Variants in PRDM6 observed in about 807,000 individuals in gnomAD.
PRDM6 encodes the protein PR/SET domain 6.
PRDM6 carries 25 observed loss-of-function variants against 60.8 expected under a neutral mutation model. The observed-to-expected ratio is 0.41, with a 90% CI of 0.30 to 0.57. The LOEUF (loss-of-function observed/expected upper bound fraction) is 0.57. PRDM6 is among the 20% of genes least tolerant of loss of function. The pLI is 0.27. For synonymous variants in PRDM6, 407 were observed against 357.4 expected (o/e 1.14, Z -1.57); for missense variants, 839 against 821.3 (o/e 1.02, Z -0.26).
In PRDM6 at chr5:123,190,886, C is replaced by CT. The variant is rs1315473513; in HGVS notation, c.*3688dup. ...TGCTAGTAAAATGGGTATTTTAGTC[C>CT]TTTAGACCATTGTCTCAGTGAAGTT... is the stretch of plus-strand genomic sequence containing the variant. On this transcript the variant is annotated 3_prime_UTR_variant, in exon 8 of 8. Transcript: ENST00000407847. 1 of 152,088 alleles carries CT rather than the reference C, an allele frequency of 6.6e-6. No homozygotes were observed. Among genetic ancestry groups the CT allele is most frequent in the African/African-American group, 2.4e-5 (1 of 41,396 alleles). 9.4% of individuals were successfully genotyped at this position (152,088 alleles called of 1,614,324 possible). A position where few individuals can be genotyped will look rare whatever the true frequency, so the allele number is the denominator to read the frequency against.
chr5:123,186,965 CT>C (rs1766301862), intron 7 of PRDM6, 121 bp from the exon 8 acceptor site: 5 of 702,752 alleles, frequency 7.1e-6, no homozygotes, highest in Non-Finnish European at 9.8e-6. Flanking sequence ...AATTAAACCT[CT>C]TGAGCTGGTA....
rs1237116312 is a variant in PRDM6, at chr5:123,189,729, G to A, written c.*2528G>A. On this transcript the variant is annotated 3_prime_UTR_variant, in exon 8 of 8. Transcript: ENST00000407847. ...TTGGATACTCTAATTTTCCAGGCATGTGGGCACATTCACAATTTTTACATT... is the reference window on the plus strand; with the variant it reads ...TTGGATACTCTAATTTTCCAGGCATATGGGCACATTCACAATTTTTACATT... The A allele has an allele frequency of 6.6e-6, 1 of 152,188 alleles. No homozygotes were observed. Among genetic ancestry groups the A allele is most frequent in the Non-Finnish European group, 1.5e-5 (1 of 68,038 alleles). The allele number at this position is 152,188 out of a possible 1,614,324, so 9.4% of individuals were successfully genotyped here. A position where few individuals can be genotyped will look rare whatever the true frequency, so the allele number is the denominator to read the frequency against.
intron 3 of PRDM6, among the ~76,000 whole-genome samples, chr5:123,117,327 G>A (rs184373434): frequency 6.6e-6 from 1 of 152,280 alleles, no homozygotes; most frequent in Admixed American, 6.5e-5. Context: ...TCTCTACTAG[G>A]GAGCTTATGG....
rs746687302 is a variant in PRDM6 at position 123,139,858 on chromosome 5, T to C, written c.901-16026T>C. Among the ~76,000 whole-genome samples the C allele has an allele frequency of 1.6e-4, 24 of 152,102 alleles. 1 individual carries two copies. The highest frequency in any genetic ancestry group is 1.3e-4 in the Non-Finnish European group (9 of 67,974). ...AGCATGAGGGATGGGGTGGGTGATGTGGGAGTACGACCTGGAAGGAGGAAG... is the reference window on the plus strand; with the variant it reads ...AGCATGAGGGATGGGGTGGGTGATGCGGGAGTACGACCTGGAAGGAGGAAG... On this transcript the variant is annotated intron_variant, in intron 3 of 7. Transcript: ENST00000407847.
chr5:123,155,260 C>G (rs1320051998), intron 3 of PRDM6, among the ~76,000 whole-genome samples: 7 of 123,136 alleles, frequency 5.7e-5, no homozygotes, highest in Admixed American at 8.7e-5. Flanking sequence ...TTGAGGGTCT[C>G]TCTTTTTTTT....
chr5:123,180,947 G>A (rs1421482389), intron 7 of PRDM6, among the ~76,000 whole-genome samples: 1 of 152,206 alleles, frequency 6.6e-6, no homozygotes, highest in Non-Finnish European at 1.5e-5. Context: ...CAGGGAATGT[G>A]GAAACAGATG....
chr5:123,147,884 G>A (rs1036755827), intron 3 of PRDM6, among the ~76,000 whole-genome samples: 2 of 152,200 alleles, frequency 1.3e-5, no homozygotes, highest in African/African-American at 2.4e-5. Context: ...GCCGCCTTCA[G>A]AGATAAGTGG....
chr5:123,152,002 A>C (rs68573), intron 3 of PRDM6, among the ~76,000 whole-genome samples: 109,338 of 151,970 alleles, frequency 0.72, 39,476 homozygotes, highest in Non-Finnish European at 0.75. Context: ...AAATTAAAAA[A>C]AAAAACAGAA....
intron 3 of PRDM6, among the ~76,000 whole-genome samples, chr5:123,110,171 T>TGA (rs374120295): frequency 9.2e-5 from 14 of 151,826 alleles, no homozygotes; most frequent in African/African-American, 3.1e-4. Flanking sequence ...AAATTTTAGA[T>TGA]GAAAAAATAA....
At chr5:123,163,363 A>G (rs1171927046) in intron 5 of PRDM6, among the ~76,000 whole-genome samples, 1 of 152,230 alleles carries the variant, frequency 6.6e-6, no homozygotes, top group Non-Finnish European at 1.5e-5. Flanking sequence ...TTGAAAGTAC[A>G]CATTTCCTAT....
chr5:123,170,967 G>C lies in PRDM6; in HGVS notation c.1355G>C (p.Arg452Pro). The change falls in exon 6 of 8, where the codon CGA (arginine) becomes CCA (proline). Residue 452 changes from arginine (R) to proline (P), a missense_variant. Around this residue, in one of 2 missense-constraint regions of PRDM6, gnomAD observed 730 missense variants for 648.8 expected, o/e 1.13. Coordinates refer to ENST00000407847, the MANE Select transcript of PRDM6 (RefSeq NM_001136239.4). Reference protein sequence around the residue: ...GFNQINVKNQRVLASPTSTSQ... With the variant: ...GFNQINVKNQPVLASPTSTSQ... ...AATCAAATCAACGTGAAAAACCAGC[G>C]AGTCCTGGCAAGCCCAACTTCCACA... The C allele has an allele frequency of 6.4e-7, 1 of 1,551,792 alleles. No individual in the cohort carries two copies. Among genetic ancestry groups the C allele is most frequent in the Non-Finnish European group, 8.7e-7 (1 of 1,147,032 alleles).
intron 3 of PRDM6, among the ~76,000 whole-genome samples, chr5:123,120,003 G>A (rs1764544507): frequency 6.6e-6 from 1 of 151,792 alleles, no homozygotes; most frequent in Admixed American, 6.6e-5. Flanking sequence ...AAAAGTTTAA[G>A]GTTTTTCCCT....
intron 3 of PRDM6, among the ~76,000 whole-genome samples, chr5:123,121,369 T>G (rs1453783404): frequency 5.9e-5 from 9 of 152,184 alleles, no homozygotes; most frequent in Non-Finnish European, 1.3e-4. Context: ...TTTTTTGTGT[T>G]GTTTTTTCTT....
At chr5:123,130,324 C>G (rs72787521) in intron 3 of PRDM6, among the ~76,000 whole-genome samples, 3,575 of 106,466 alleles carry the variant, frequency 0.034, 81 homozygotes, top group Non-Finnish European at 0.051. Context: ...TTCCTTCTCT[C>G]CCTCCCTCCT....
chr5:123,147,279 A>AAGAGAGAG (rs3036135), intron 3 of PRDM6, among the ~76,000 whole-genome samples: 2,224 of 147,512 alleles, frequency 0.015, 16 homozygotes, highest in Non-Finnish European at 0.019. Flanking sequence ...TGATACTAAA[A>AAGAGAGAG]AGAGAGAGAG....
At chr5:123,147,052 C>T (rs889214031) in intron 3 of PRDM6, among the ~76,000 whole-genome samples, 4 of 151,972 alleles carry the variant, frequency 2.6e-5, no homozygotes, top group Admixed American at 2.0e-4. Flanking sequence ...CAAATGAACG[C>T]GTGAACGAAT....
intron 3 of PRDM6, among the ~76,000 whole-genome samples, chr5:123,119,621 G>A (rs191021801): frequency 1.8e-4 from 27 of 152,306 alleles, no homozygotes; most frequent in Admixed American, 1.8e-3. Context: ...CGGGGACTAT[G>A]AGGAAAGCTG....
At chr5:123,142,877 CAAA>C in intron 3 of PRDM6, among the ~76,000 whole-genome samples, 10,433 of 27,700 alleles carry the variant, frequency 0.38, 459 homozygotes, top group Non-Finnish European at 0.43. Flanking sequence ...CAGTGAAGAC[CAAA>C]AAAAAAAAAA....
chr5:123,164,643 A>T (rs1320466881), intron 5 of PRDM6, among the ~76,000 whole-genome samples: 2 of 152,202 alleles, frequency 1.3e-5, no homozygotes, highest in Non-Finnish European at 2.9e-5. Context: ...GGCAGCACCC[A>T]CTAAAAAGGT....
Sources: allele counts gnomAD v4.1 joint callset (sites outside exome capture counted in the v4.1 genomes callset), GRCh38; gene constraint gnomAD v4.1.1; regional missense constraint gnomAD v4.1.1; transcripts MANE v1.5; gene names NCBI Gene and HGNC (gene_info 2026-07-23, HGNC 2026-07-21).